CAPS2: variants seen among roughly 807,000 people sequenced by gnomAD.
CAPS2 encodes calcyphosin-2.
CAPS2 carries 98 observed loss-of-function variants against 86.5 expected under a neutral mutation model. The ratio of observed to expected loss-of-function variants is 1.13; its 90% CI spans 0.96 to 1.34. CAPS2 has a LOEUF of 1.34. Among genes scored for constraint, CAPS2 ranks in the 40% most tolerant of loss-of-function variants. The pLI is 0.00. For synonymous variants in CAPS2, 210 were observed against 225.1 expected (o/e 0.93, Z 0.60); for missense variants, 729 against 686.8 (o/e 1.06, Z -0.69).
At chr12:75,276,338 A>G (rs1444030114), downstream of CAPS2, 7 of 1,473,132 alleles carry the variant, frequency 4.8e-6, no homozygotes, top group Admixed American at 1.1e-4. Flanking sequence ...CATAATCTGC[A>G]GTAAACATAG....
intron 1 of CAPS2, among the ~76,000 whole-genome samples, chr12:75,343,325 C>T (rs998925690): frequency 3.3e-5 from 5 of 151,778 alleles, no homozygotes; most frequent in South Asian, 2.1e-4. Context: ...GTTTTTTGCC[C>T]TTTTTAATTA....
chr12:75,333,488 G>A (rs191270403), upstream of CAPS2, among the ~76,000 whole-genome samples: 33 of 152,212 alleles, frequency 2.2e-4, no homozygotes, highest in Admixed American at 1.7e-3. Context: ...GTCTTTGGGT[G>A]TGGGATATCA....
chr12:75,328,943 G>C (rs942277789), upstream of CAPS2, among the ~76,000 whole-genome samples: 34 of 152,230 alleles, frequency 2.2e-4, no homozygotes, highest in African/African-American at 7.2e-4. Context: ...TATGGAATTA[G>C]AGCAGTCAGG....
At chr12:75,281,791 C>G (rs1743090677) in intron 16 of CAPS2, among the ~76,000 whole-genome samples, 1 of 151,922 alleles carries the variant, frequency 6.6e-6, no homozygotes, top group South Asian at 2.1e-4. Context: ...TCCAGAGTTA[C>G]TTTAGGGAAT....
In CAPS2 at chr12:75,370,352, C is replaced by T. The variant is rs556458192; in HGVS notation, c.-395+20486G>A. 75 of 484,468 alleles carry T rather than the reference C, an allele frequency of 1.5e-4. No homozygotes were observed. The South Asian group carries it at 2.8e-3, about 18-fold the overall frequency. The allele number at this position is 484,468 out of a possible 1,614,324, so 30.0% of individuals were successfully genotyped here. On this transcript the variant is annotated intron_variant, in intron 1 of 5. Coordinates refer to the CAPS2 transcript ENST00000551829. The stretch of plus-strand genomic sequence containing the variant: ...GTACTGTAGTATGGAAAATGGATAG[C>T]AGTAGAATAAAGTCTTAAGATTATT...
intron 1 of CAPS2, among the ~76,000 whole-genome samples, chr12:75,381,473 C>T (rs2044970900): frequency 6.6e-6 from 1 of 151,028 alleles, no homozygotes; most frequent in Admixed American, 6.6e-5. Flanking sequence ...TCCATCATAC[C>T]TATATGTGAA....
intron 11 of CAPS2, among the ~76,000 whole-genome samples, chr12:75,294,190 T>C (rs771847180): frequency 4.6e-5 from 7 of 152,202 alleles, no homozygotes; most frequent in Non-Finnish European, 8.8e-5. Flanking sequence ...GTGATCCACT[T>C]GCCTGGGCCT....
intron 1 of CAPS2, chr12:75,369,793 AAG>A: frequency 3.1e-6 from 3 of 982,320 alleles, no homozygotes; most frequent in Non-Finnish European, 1.2e-6. Flanking sequence ...AAGCATCGTA[AAG>A]AGTTTTAAGT....
intron 5 of CAPS2, among the ~76,000 whole-genome samples, chr12:75,317,299 T>C (rs2039870815): frequency 6.6e-6 from 1 of 152,156 alleles, no homozygotes. Flanking sequence ...GCTTAGGTAT[T>C]TAAAAATCAA....
chr12:75,307,983 C>T (rs1041427512), intron 7 of CAPS2, among the ~76,000 whole-genome samples: 6 of 152,166 alleles, frequency 3.9e-5, no homozygotes, highest in Non-Finnish European at 7.4e-5. Context: ...ACCCAAGTAA[C>T]AACAGGACCA....
At chr12:75,289,833 C>A in intron 13 of CAPS2, 58 bp from the exon 14 acceptor site, 1 of 1,214,748 alleles carries the variant, frequency 8.2e-7, no homozygotes, top group Non-Finnish European at 1.2e-6. Flanking sequence ...TGTATAAAGC[C>A]GCAGTTATCT....
intron 1 of CAPS2, among the ~76,000 whole-genome samples, chr12:75,335,713 G>A (rs1464566378): frequency 2.0e-5 from 3 of 151,946 alleles, no homozygotes; most frequent in Non-Finnish European, 4.4e-5. Flanking sequence ...ATATTTTGAT[G>A]GAGAAAGATT....
chr12:75,331,780 G>A (rs1337017582), upstream of CAPS2, among the ~76,000 whole-genome samples: 1 of 151,910 alleles, frequency 6.6e-6, no homozygotes, highest in Non-Finnish European at 1.5e-5. Flanking sequence ...AGCCGGGATG[G>A]TCTCGATCTC....
chr12:75,313,969 G>A (rs1317702193), intron 6 of CAPS2, among the ~76,000 whole-genome samples: 2 of 152,084 alleles, frequency 1.3e-5, no homozygotes, highest in African/African-American at 4.8e-5. Flanking sequence ...GCCCAGGCTG[G>A]AGTGCAGTGG....
rs150531753 is a variant in CAPS2 at position 75,298,917 on chromosome 12, C to A, written c.904G>T (p.Asp302Tyr). Residue 302 changes from aspartate to tyrosine, a missense_variant, in exon 10 of 17, where the codon GAC (aspartate) becomes TAC (tyrosine). Physicochemically the swap from Asp to Tyr is radical, Grantham distance 160 (BLOSUM62 -3). Coordinates refer to ENST00000393284, the Ensembl canonical transcript of CAPS2. Reference sequence around the variant, plus strand: ...TATTCATAAATTGTAAGGGATTGGTCATGAGTGAAAAAGAACCCAATGAGC... The same window carrying A: ...TATTCATAAATTGTAAGGGATTGGTAATGAGTGAAAAAGAACCCAATGAGC... The A allele has an allele frequency of 2.9e-5, 46 of 1,610,836 alleles. No individual in the cohort carries two copies. The African/African-American group carries it at 5.6e-4, about 20-fold the overall frequency.
At chr12:75,326,123 A>AAT in intron 1 of CAPS2, among the ~76,000 whole-genome samples, 3 of 152,168 alleles carry the variant, frequency 2.0e-5, no homozygotes, top group African/African-American at 7.2e-5. Context: ...TGATATTAGT[A>AAT]GCAACCGTAA....
chr12:75,302,069 G>A (rs2037885089), intron 8 of CAPS2, among the ~76,000 whole-genome samples: 1 of 152,202 alleles, frequency 6.6e-6, no homozygotes, highest in Non-Finnish European at 1.5e-5. Context: ...GCACAGGGCA[G>A]AATGTGCTGC....
intron 1 of CAPS2, chr12:75,347,808 G>A: frequency 1.5e-6 from 1 of 687,732 alleles, no homozygotes; most frequent in Non-Finnish European, 2.4e-6. Flanking sequence ...CTAGACACAA[G>A]TGTATTTTTG....
intron 1 of CAPS2, among the ~76,000 whole-genome samples, chr12:75,381,451 A>G (rs1165585766): frequency 2.0e-5 from 3 of 151,990 alleles, no homozygotes; most frequent in Non-Finnish European, 4.4e-5. Context: ...CCTGGAATCT[A>G]GTTATATACA....
Sources: allele counts gnomAD v4.1 joint callset (sites outside exome capture counted in the v4.1 genomes callset), GRCh38; gene constraint gnomAD v4.1.1; transcripts MANE v1.5; gene names NCBI Gene and HGNC (gene_info 2026-07-23, HGNC 2026-07-21).